The following KAZN variants were observed in gnomAD, a reference collection of about 807,000 sequenced individuals.
KAZN encodes the protein kazrin.
KAZN carries 40 observed loss-of-function variants against 87.4 expected under a neutral mutation model. The observed-to-expected ratio is 0.46, with a 90% CI of 0.36 to 0.60. KAZN has a LOEUF of 0.60. KAZN is among the 20% of genes least tolerant of loss of function. The pLI is 0.00. For missense variants in KAZN, 898 were observed against 1,073.9 expected (o/e 0.84, Z 2.29); for synonymous variants, 466 against 458.3 (o/e 1.02, Z -0.22).
chr1:14,750,766 G>A lies in KAZN; in HGVS notation c.226+151543G>A, dbSNP rs115299905. On this transcript the variant is annotated intron_variant, in intron 1 of 14. Transcript: ENST00000376030. ...ATGGCTCACATTTGAGCCCTGTGCT[G>A]CTAGTCAGGCGGTAGGCAGGAGTGT... 5.3e-3 allele frequency among the ~76,000 whole-genome samples: 800 copies of A among 152,286 alleles called. 12 individuals are homozygous for A. The highest frequency in any genetic ancestry group is 0.018 in the African/African-American group (762 of 41,534).
chr1:14,438,727 A>G (rs2101435077), intron 2 of KAZN, among the ~76,000 whole-genome samples: 1 of 152,310 alleles, frequency 6.6e-6, no homozygotes, highest in African/African-American at 2.4e-5. Flanking sequence ...TTCTATTCTG[A>G]GTGGAATTTT....
chr1:14,498,369 T>C lies in KAZN; in HGVS notation c.250-100614T>C, dbSNP rs1472634519. ...GAAGCCACAGGCAGGCAGTGCTCTCTGGCTTCTAGCTGGGAAGATGCCAAA... is the reference window on the plus strand; with the variant it reads ...GAAGCCACAGGCAGGCAGTGCTCTCCGGCTTCTAGCTGGGAAGATGCCAAA... On this transcript the variant is annotated intron_variant, in intron 2 of 16. Transcript: ENST00000636203. Among the ~76,000 whole-genome samples the C allele has an allele frequency of 4.6e-5, 7 of 152,334 alleles. No homozygotes were observed. The South Asian group carries it at 1.0e-3, about 23-fold the overall frequency.
chr1:14,146,536 C>CAAAAA (rs55928646), intron 1 of KAZN, among the ~76,000 whole-genome samples: 609 of 60,986 alleles, frequency 1.0e-2, no homozygotes, highest in East Asian at 0.02. Context: ...AACTCCATCT[C>CAAAAA]AAAAAAAAAA....
chr1:14,180,407 C>A, intron 1 of KAZN: 1 of 1,543,854 alleles, frequency 6.5e-7, no homozygotes, highest in Non-Finnish European at 8.7e-7. Context: ...AGTTGTGACT[C>A]TACTTTTCCT....
chr1:14,141,917 G>A (rs1292865941), intron 1 of KAZN, among the ~76,000 whole-genome samples: 2 of 152,010 alleles, frequency 1.3e-5, no homozygotes, highest in Non-Finnish European at 2.9e-5. Flanking sequence ...TCAGTTTGAG[G>A]TTGTAAGTGA....
intron 7 of KAZN, among the ~76,000 whole-genome samples, chr1:15,064,349 C>A (rs1205028014): frequency 6.6e-6 from 1 of 152,138 alleles, no homozygotes; most frequent in African/African-American, 2.4e-5. Flanking sequence ...AGATTCTGAT[C>A]CACCAGGTAC....
In KAZN at chr1:15,038,931, C is replaced by G. The variant is rs79774148; in HGVS notation, c.555+4046C>G. ...GTAGCAGATGTTTATTGTGCACCTA[C>G]TGTATACAGACACGAATGTGCTATT... is the stretch of plus-strand genomic sequence containing the variant. On this transcript the variant is annotated intron_variant, in intron 3 of 14. Coordinates refer to ENST00000376030, the MANE Select transcript of KAZN (RefSeq NM_201628.3). Among the ~76,000 whole-genome samples the G allele has an allele frequency of 6.7e-5, 10 of 148,926 alleles. 3 individuals carry two copies. The highest frequency in any genetic ancestry group is 7.5e-5 in the Non-Finnish European group (5 of 66,678).
At position 13,936,230 on chromosome 1, in the gene KAZN, G is replaced by A. The variant is rs535047155; in HGVS notation, c.91+42474G>A. On this transcript the variant is annotated intron_variant, in intron 1 of 16. Transcript: ENST00000636203. ...TCGTGCCTCAGCCTCCTGAGTACCTGGGATTACAGGCATGCACCACCATGC... is the reference window on the plus strand; with the variant it reads ...TCGTGCCTCAGCCTCCTGAGTACCTAGGATTACAGGCATGCACCACCATGC... 5.3e-5 allele frequency among the ~76,000 whole-genome samples: 8 copies of A among 150,838 alleles called. No individual in the cohort carries two copies. In the South Asian group the frequency reaches 1.7e-3, roughly 32 times the overall value.
At chr1:14,519,481 G>T (rs1390976019) in intron 2 of KAZN, among the ~76,000 whole-genome samples, 2 of 152,130 alleles carry the variant, frequency 1.3e-5, no homozygotes, top group East Asian at 1.9e-4. Context: ...ACCCTCGTGG[G>T]TATCCTCCCT....
chr1:14,580,293 C>A, intron 2 of KAZN, among the ~76,000 whole-genome samples: 1 of 151,982 alleles, frequency 6.6e-6, no homozygotes, highest in Non-Finnish European at 1.5e-5. Flanking sequence ...CTGACCAACA[C>A]GGGGAAACCC....
chr1:14,796,114 T>G (rs576522858), intron 1 of KAZN, among the ~76,000 whole-genome samples: 15 of 152,306 alleles, frequency 9.8e-5, no homozygotes, highest in African/African-American at 3.4e-4. Flanking sequence ...GCCCCTCCAG[T>G]CGGACATGCT....
chr1:14,175,805 TTTG>T (rs1646061045), intron 1 of KAZN, among the ~76,000 whole-genome samples: 1 of 152,112 alleles, frequency 6.6e-6, no homozygotes, highest in African/African-American at 2.4e-5. Context: ...GGGAAGAAGG[TTTG>T]TTAAGAACAT....
intron 2 of KAZN, among the ~76,000 whole-genome samples, chr1:14,422,940 C>T (rs2101328321): frequency 6.6e-6 from 1 of 152,332 alleles, no homozygotes; most frequent in African/African-American, 2.4e-5. Context: ...CAGATTGAGG[C>T]TTCTTTGCCT....
intron 1 of KAZN, among the ~76,000 whole-genome samples, chr1:14,846,158 A>T (rs540473229): frequency 7.9e-5 from 12 of 152,308 alleles, no homozygotes; most frequent in African/African-American, 2.9e-4. Flanking sequence ...GGAAAGTTCT[A>T]TAGCGGCATG....
chr1:14,066,401 G>T (rs1208868105), intron 1 of KAZN, among the ~76,000 whole-genome samples: 1 of 152,102 alleles, frequency 6.6e-6, no homozygotes, highest in African/African-American at 2.4e-5. Context: ...CCACACCATT[G>T]GGAAAGGAGA....
chr1:15,051,159 TC>T (rs1304686169), intron 4 of KAZN, among the ~76,000 whole-genome samples: 1 of 152,214 alleles, frequency 6.6e-6, no homozygotes, highest in Non-Finnish European at 1.5e-5. Context: ...AGAGAAACAT[TC>T]CCTAGACGAG....
chr1:13,934,021 C>G (rs1640627633), intron 1 of KAZN, among the ~76,000 whole-genome samples: 1 of 152,178 alleles, frequency 6.6e-6, no homozygotes, highest in Admixed American at 6.5e-5. Flanking sequence ...ACAAGATTAC[C>G]AAGAATACCT....
intron 8 of KAZN, among the ~76,000 whole-genome samples, chr1:15,074,573 C>A (rs72639880): frequency 1.3e-5 from 2 of 152,206 alleles, no homozygotes; most frequent in African/African-American, 4.8e-5. Context: ...GGCTCCCCTT[C>A]TGGAAGTCTA....
At chr1:14,047,885 AAAAT>A (rs1347066216) in intron 1 of KAZN, among the ~76,000 whole-genome samples, 7 of 152,022 alleles carry the variant, frequency 4.6e-5, no homozygotes, top group East Asian at 1.9e-4. Flanking sequence ...AAGAAAAAAA[AAAAT>A]AAAGAAAGAA....
Sources: gnomAD v4.1 joint callset for allele counts (sites outside exome capture counted in the v4.1 genomes callset) on GRCh38, gnomAD v4.1.1 for gene constraint, MANE v1.5 for transcripts, NCBI Gene and HGNC (gene_info 2026-07-23, HGNC 2026-07-21) for gene names.